Variants in NMNAT2 observed in about 807,000 individuals in gnomAD.
NMNAT2 encodes the protein nicotinamide/nicotinic acid mononucleotide adenylyltransferase 2.
In NMNAT2, 11 loss-of-function variants were observed where a neutral mutation model predicts 41.6. That is an observed-to-expected ratio of 0.26 (90% confidence interval 0.17 to 0.44). The LOEUF is 0.44. Ranked by LOEUF, NMNAT2 falls within the 20% of genes least tolerant of loss-of-function variation. The pLI, the probability that NMNAT2 is intolerant of heterozygous loss-of-function variation, is 1.00. For synonymous variants in NMNAT2, 148 were observed against 151.2 expected, an observed-to-expected ratio of 0.98 and a Z score of 0.16; for missense variants, 288 against 407.7, an observed-to-expected ratio of 0.71 and a Z score of 2.53.
At chr1:183,350,748 C>A (rs1663028305) in intron 1 of NMNAT2, among the ~76,000 whole-genome samples, 1 of 152,210 alleles carries the variant, frequency 6.6e-6, no homozygotes, top group Non-Finnish European at 1.5e-5. Flanking sequence ...ATGCACAACA[C>A]ATTAAACATA....
intron 7 of NMNAT2, chr1:183,282,966 C>T (rs1426456603): frequency 1.3e-5 from 2 of 152,044 alleles, no homozygotes; most frequent in African/African-American, 2.4e-5. Context: ...TCACAAAATT[C>T]CTGAAAACTT....
chr1:183,327,380 A>G (rs1281049998), intron 1 of NMNAT2, among the ~76,000 whole-genome samples: 7 of 152,194 alleles, frequency 4.6e-5, no homozygotes, highest in Non-Finnish European at 2.9e-5. Flanking sequence ...TTTAAATAAC[A>G]AAGTGGAGAC....
intron 10 of NMNAT2, among the ~76,000 whole-genome samples, chr1:183,256,977 C>T (rs936166079): frequency 6.6e-6 from 1 of 151,974 alleles, no homozygotes; most frequent in Non-Finnish European, 1.5e-5. Context: ...ATCTTGAACT[C>T]CTGACCTCAA....
Position 183,285,317 on chromosome 1 carries a change from C to T in NMNAT2, c.449-527G>A, listed in dbSNP as rs1224836402. Among the ~76,000 whole-genome samples, 5 of 152,188 alleles carry T rather than the reference C, an allele frequency of 3.3e-5. No homozygotes were observed. In the East Asian group the frequency reaches 9.6e-4, roughly 29 times the overall value. ...TGTCCCAAGCCTATCCTTAGCTGCT[C>T]CTCCCACTGGGCAGCTACACCCACA... On this transcript the variant is annotated intron_variant, in intron 5 of 10. Transcript: ENST00000287713.
intron 1 of NMNAT2, among the ~76,000 whole-genome samples, chr1:183,370,413 T>C (rs1198209219): frequency 6.6e-6 from 1 of 152,186 alleles, no homozygotes; most frequent in Admixed American, 6.5e-5. Flanking sequence ...TTATCTATCT[T>C]ACTGGTATGC....
chr1:183,321,183 T>A (rs923562673), intron 1 of NMNAT2, among the ~76,000 whole-genome samples: 2 of 152,166 alleles, frequency 1.3e-5, no homozygotes, highest in Admixed American at 6.5e-5. Flanking sequence ...ACGGAATCCT[T>A]TAATTTCAAC....
chr1:183,359,740 G>A (rs1360067659), intron 1 of NMNAT2, among the ~76,000 whole-genome samples: 2 of 152,146 alleles, frequency 1.3e-5, no homozygotes, highest in Non-Finnish European at 2.9e-5. Context: ...AGGGAAAATG[G>A]AGACACGTGT....
chr1:183,356,046 A>G (rs967025662), intron 1 of NMNAT2, among the ~76,000 whole-genome samples: 4 of 152,196 alleles, frequency 2.6e-5, no homozygotes, highest in Non-Finnish European at 5.9e-5. Flanking sequence ...CAGCACATGG[A>G]AGTGGTCAAC....
At chr1:183,351,589 AC>A (rs1167377858) in intron 1 of NMNAT2, among the ~76,000 whole-genome samples, 1 of 152,214 alleles carries the variant, frequency 6.6e-6, no homozygotes, top group Non-Finnish European at 1.5e-5. Flanking sequence ...ACACAGTTGG[AC>A]ATTGATAATA....
chr1:183,408,063 T>C (rs962908012), intron 1 of NMNAT2, among the ~76,000 whole-genome samples: 1 of 152,242 alleles, frequency 6.6e-6, no homozygotes, highest in Non-Finnish European at 1.5e-5. Context: ...TGAGTCTTTT[T>C]AGAGATTTAG....
chr1:183,384,069 G>A (rs1323570522), intron 1 of NMNAT2, among the ~76,000 whole-genome samples: 1 of 152,152 alleles, frequency 6.6e-6, no homozygotes, highest in Non-Finnish European at 1.5e-5. Context: ...ATTGGCTCAT[G>A]GTTCCACAGG....
intron 7 of NMNAT2, among the ~76,000 whole-genome samples, chr1:183,279,847 A>G (rs1441398272): frequency 1.3e-5 from 2 of 152,150 alleles, no homozygotes; most frequent in Non-Finnish European, 2.9e-5. Flanking sequence ...CCTCTCTAAC[A>G]TACCTTAGTC....
Position 183,262,129 on chromosome 1 carries a change from C to G in NMNAT2, c.652-826G>C, listed in dbSNP as rs938165453. 5.3e-5 allele frequency among the ~76,000 whole-genome samples: 8 copies of G among 151,996 alleles called. No individual in the cohort carries two copies. In the East Asian group the frequency reaches 1.5e-3, roughly 29 times the overall value. ...ATTTTTTTGAAGAGATGGACTCTTG[C>G]TATGTTGCCCAGGCTGGTCTCAAAC... On this transcript the variant is annotated intron_variant, in intron 8 of 10. Transcript: ENST00000287713.
At chr1:183,406,441 T>C (rs1648955997) in intron 1 of NMNAT2, among the ~76,000 whole-genome samples, 1 of 152,164 alleles carries the variant, frequency 6.6e-6, no homozygotes, top group South Asian at 2.1e-4. Context: ...AAGCCCACTG[T>C]CAGCTCGATA....
At chr1:183,405,746 A>T (rs1002106462) in intron 1 of NMNAT2, among the ~76,000 whole-genome samples, 1 of 152,250 alleles carries the variant, frequency 6.6e-6, no homozygotes, top group South Asian at 2.1e-4. Flanking sequence ...TGTTTTAAAA[A>T]TAACAGCCCT....
intron 8 of NMNAT2, among the ~76,000 whole-genome samples, chr1:183,276,585 T>C (rs138826766): frequency 3.0e-4 from 46 of 152,296 alleles, no homozygotes; most frequent in African/African-American, 1.1e-3. Context: ...TCCTCACCCA[T>C]CACACTTAGT....
At position 183,304,521 on chromosome 1, in the gene NMNAT2, A is replaced by G. The variant is rs911445575; in HGVS notation, c.86-10728T>C. On this transcript the variant is annotated intron_variant, in intron 1 of 10. Transcript: ENST00000287713. Reference sequence around the variant, plus strand: ...CTGGGCTTACATGCATATAGGGATCAGGCTGATGTCCCTAAACAGGCATGC... The same window carrying G: ...CTGGGCTTACATGCATATAGGGATCGGGCTGATGTCCCTAAACAGGCATGC... The G allele has an allele frequency of 3.2e-5, 21 of 661,862 alleles. No homozygotes were observed. In the East Asian group the frequency reaches 5.3e-4, roughly 17 times the overall value. The allele number at this position is 661,862 out of a possible 1,614,324, so 41.0% of individuals were successfully genotyped here.
chr1:183,289,602 G>A (rs144155475), intron 4 of NMNAT2, among the ~76,000 whole-genome samples: 227 of 152,316 alleles, frequency 1.5e-3, no homozygotes, highest in Middle Eastern at 3.4e-3. Flanking sequence ...ATCTGCCTGT[G>A]GGGCTCTTGT....
intron 8 of NMNAT2, among the ~76,000 whole-genome samples, chr1:183,277,220 C>T (rs978363178): frequency 2.0e-5 from 3 of 152,148 alleles, no homozygotes; most frequent in East Asian, 3.9e-4. Context: ...TAGTGCCTCA[C>T]GCCTGTAATC....
Sources: gnomAD v4.1 joint callset for allele counts (sites outside exome capture counted in the v4.1 genomes callset) on GRCh38, gnomAD v4.1.1 for gene constraint, MANE v1.5 for transcripts, NCBI Gene and HGNC (gene_info 2026-07-23, HGNC 2026-07-21) for gene names.